GRM2: variants seen among roughly 807,000 people sequenced by gnomAD.
The protein encoded by GRM2 is metabotropic glutamate receptor 2.
GRM2 carries 35 observed loss-of-function variants against 60.4 expected under a neutral mutation model. The ratio of observed to expected loss-of-function variants is 0.58; its 90% CI spans 0.44 to 0.77. The LOEUF is 0.77. GRM2 is among the 30% of genes least tolerant of loss of function. The probability of loss-of-function intolerance (pLI) is 0.00; values close to 1 mark genes in which losing one functional copy is unlikely to be tolerated. For missense variants in GRM2, 925 were observed against 1,199.5 expected, an observed-to-expected ratio of 0.77 and a Z score of 3.38; for synonymous variants, 437 against 484.1, an observed-to-expected ratio of 0.90 and a Z score of 1.28.
At position 51,713,161 on chromosome 3, in the gene GRM2, T is replaced by G; in HGVS notation, c.1139T>G (p.Phe380Cys). 1 of 1,613,192 alleles carries G rather than the reference T, an allele frequency of 6.2e-7. No individual in the cohort carries two copies. The highest frequency in any genetic ancestry group is 8.5e-7 in the Non-Finnish European group (1 of 1,180,036). ...TTTGAGCAGGAGTCCAAGATCATGT[T>G]TGTGGTCAATGCAGTGTACGCCATG... ...VPFEQESKIM[F>C]VVNAVYAMAH... The change falls in exon 3 of 6, where the codon TTT becomes TGT. Residue 380 changes from phenylalanine to cysteine, a missense_variant. By Grantham distance (205) the Phe-to-Cys change is radical. Coordinates refer to ENST00000395052, the MANE Select transcript of GRM2 (RefSeq NM_000839.5). This position sits in a 1 kb window ranked among gnomAD's most constrained non-coding sequence, Gnocchi z 4.8.
In GRM2 at chr3:51,716,839, G is replaced by A. The variant is rs1703912218; in HGVS notation, c.2364+702G>A. On this transcript the variant is annotated intron_variant, in intron 4 of 5. Transcript: ENST00000395052. The surrounding 1 kb of genome is among the most constrained non-coding windows in gnomAD (Gnocchi z 4.0). The stretch of plus-strand genomic sequence containing the variant: ...TTGCCCAAGGTCACTCAGCTTGGGA[G>A]TGCAGAGCAGGGTCTGAACTGCAGA... 6.6e-6 allele frequency among the ~76,000 whole-genome samples: 1 copy of A among 152,224 alleles called. No homozygotes were observed. Among genetic ancestry groups the A allele is most frequent in the South Asian group, 2.1e-4 (1 of 4,834 alleles).
In GRM2 at chr3:51,709,576, A is replaced by T; in HGVS notation, c.450+143A>T. The stretch of plus-strand genomic sequence containing the variant: ...CTTGCAGTAGCTTTTACAGAAGCTA[A>T]GAAAGTGCCCTGGTCACATAATGGT... On this transcript the variant is annotated intron_variant, in intron 2 of 5. Transcript: ENST00000395052. 4.9e-6 allele frequency: 3 copies of T among 615,288 alleles called. No individual in the cohort carries two copies. In the East Asian group the frequency reaches 8.3e-5, roughly 17 times the overall value. The allele number at this position is 615,288 out of a possible 1,614,324, so 38.1% of individuals were successfully genotyped here.
In GRM2 at chr3:51,713,157, A is replaced by G. The variant is rs1703779393; in HGVS notation, c.1135A>G (p.Met379Val). The change falls in exon 3 of 6, where the codon ATG (methionine) becomes GTG (valine). Residue 379 changes from methionine to valine, a missense_variant. By Grantham distance (21) the Met-to-Val change is conservative. Coordinates refer to ENST00000395052, the MANE Select transcript of GRM2 (RefSeq NM_000839.5). This position sits in a 1 kb window ranked among gnomAD's most constrained non-coding sequence, Gnocchi z 4.8. ...AVPFEQESKIMFVVNAVYAMA... is the reference protein window; with the variant it reads ...AVPFEQESKIVFVVNAVYAMA... ...GCCCTTTGAGCAGGAGTCCAAGATC[A>G]TGTTTGTGGTCAATGCAGTGTACGC... 4 of 1,613,042 alleles carry G rather than the reference A, an allele frequency of 2.5e-6. No individual in the cohort carries two copies. The highest frequency in any genetic ancestry group is 1.3e-5 in the African/African-American group (1 of 74,926).
Position 51,707,125 on chromosome 3 carries a change from C to T in GRM2, c.-179C>T, listed in dbSNP as rs964302254. On this transcript the variant is annotated 5_prime_UTR_variant, in exon 1 of 6. Coordinates refer to ENST00000395052, the MANE Select transcript of GRM2 (RefSeq NM_000839.5). Reference sequence around the variant, plus strand: ...AGCGGGAGCCGGAGCCTCGCGCCCCCCGCTCCACTCCGATTCTCTCCGCGC... The same window carrying T: ...AGCGGGAGCCGGAGCCTCGCGCCCCTCGCTCCACTCCGATTCTCTCCGCGC... 3.9e-5 allele frequency: 6 copies of T among 152,542 alleles called. No homozygotes were observed. The highest frequency in any genetic ancestry group is 7.4e-5 in the Non-Finnish European group (5 of 67,996). 9.4% of individuals were successfully genotyped at this position (152,542 alleles called of 1,614,324 possible). A position where few individuals can be genotyped will look rare whatever the true frequency, so the allele number is the denominator to read the frequency against.
intron 1 of GRM2, chr3:51,707,746 C>G (rs1229263347): frequency 6.6e-6 from 1 of 152,436 alleles, no homozygotes; most frequent in Non-Finnish European, 1.5e-5. Context: ...GCCTCCGTGG[C>G]CAGCACATGG....
Position 51,716,236 on chromosome 3 carries a change from G to A in GRM2, c.2364+99G>A. ...ACTGGTAGCTCTGGGGTTCCAAGAG[G>A]ATAATGCCCACTCAGGGGACCACAG... On this transcript the variant is annotated intron_variant, in intron 4 of 5. Transcript: ENST00000395052. This position sits in a 1 kb window ranked among gnomAD's most constrained non-coding sequence, Gnocchi z 4.0. The A allele has an allele frequency of 2.5e-6, 2 of 806,252 alleles. No individual in the cohort carries two copies. The highest frequency in any genetic ancestry group is 4.0e-6 in the Non-Finnish European group (2 of 494,982). 49.9% of individuals were successfully genotyped at this position (806,252 alleles called of 1,614,324 possible).
intron 2 of GRM2, among the ~76,000 whole-genome samples, chr3:51,710,047 T>C (rs1703658498): frequency 6.6e-6 from 1 of 151,612 alleles, no homozygotes; most frequent in South Asian, 2.1e-4. Flanking sequence ...TGGAGTGCAG[T>C]GGTGAGATCT....
In GRM2 at chr3:51,716,365, T is replaced by C. The variant is rs1703899121; in HGVS notation, c.2364+228T>C. ...TAGAGAGAGCTGAGATTTCAGGACT[T>C]GAATGTCATCCCCTATCCTGGAAGG... On this transcript the variant is annotated intron_variant, in intron 4 of 5. Transcript: ENST00000395052. The surrounding 1 kb of genome is among the most constrained non-coding windows in gnomAD (Gnocchi z 4.0). Among the ~76,000 whole-genome samples, 1 of 152,014 alleles carries C rather than the reference T, an allele frequency of 6.6e-6. No individual in the cohort carries two copies.
Position 51,715,237 on chromosome 3 carries a change from C to A in GRM2, c.1464C>A (p.Ala488=). 1 of 1,611,866 alleles carries A rather than the reference C, an allele frequency of 6.2e-7. No homozygotes were observed. The highest frequency in any genetic ancestry group is 8.5e-7 in the Non-Finnish European group (1 of 1,178,582). ...LTLDTSLIPW[A]SPSAGPLPAS... ...TGGACACCAGCCTCATCCCATGGGC[C>A]TCACCCTCAGCCGGCCCCCTGCCCG... Residue 488 remains alanine, a synonymous_variant, in exon 4 of 6, where the codon GCC becomes GCA. Transcript: ENST00000395052. The surrounding 1 kb of genome is among the most constrained non-coding windows in gnomAD (Gnocchi z 9.0).
In GRM2 at chr3:51,716,578, G is replaced by T. The variant is rs965207880; in HGVS notation, c.2364+441G>T. On this transcript the variant is annotated intron_variant, in intron 4 of 5. Transcript: ENST00000395052. This position sits in a 1 kb window ranked among gnomAD's most constrained non-coding sequence, Gnocchi z 4.0. ...GCAGGTGAAAATTGTTCCCCAGTTGGTGGCTTCTGAGCAAATTTGGTTCCA... is the reference window on the plus strand; with the variant it reads ...GCAGGTGAAAATTGTTCCCCAGTTGTTGGCTTCTGAGCAAATTTGGTTCCA... Among the ~76,000 whole-genome samples the T allele has an allele frequency of 2.0e-5, 3 of 152,170 alleles. No individual in the cohort carries two copies. Among genetic ancestry groups the T allele is most frequent in the Non-Finnish European group, 4.4e-5 (3 of 68,028 alleles).
intron 2 of GRM2, among the ~76,000 whole-genome samples, chr3:51,709,956 GCTT>G (rs1703655322): frequency 6.7e-6 from 1 of 149,752 alleles, no homozygotes; most frequent in Non-Finnish European, 1.5e-5. Flanking sequence ...CTGTGTCACA[GCTT>G]CTTCCTTATA....
In GRM2 at chr3:51,715,849, C is replaced by T. The variant is rs1277769259; in HGVS notation, c.2076C>T (p.Leu692=). 3 of 1,613,318 alleles carry T rather than the reference C, an allele frequency of 1.9e-6. No homozygotes were observed. The highest frequency in any genetic ancestry group is 2.2e-5 in the East Asian group (1 of 44,870). The part of the protein sequence containing the change: ...ICLALISGQL[L]IVVAWLVVEA... The stretch of plus-strand genomic sequence containing the variant: ...TGGCACTTATCTCGGGCCAGCTGCT[C>T]ATCGTGGTCGCCTGGCTGGTGGTGG... Residue 692 remains leucine (L), a synonymous_variant, in exon 4 of 6, where the codon CTC becomes CTT. Transcript: ENST00000395052. The surrounding 1 kb of genome is among the most constrained non-coding windows in gnomAD (Gnocchi z 9.0).
Position 51,715,509 on chromosome 3 carries a change from C to T in GRM2, c.1736C>T (p.Ala579Val). Reference sequence around the variant, plus strand: ...CCTGTCACCATCGCCTGCCTCGGTGCCCTGGCCACCCTCTTTGTGCTGGGT... The same window carrying T: ...CCTGTCACCATCGCCTGCCTCGGTGTCCTGGCCACCCTCTTTGTGCTGGGT... ...VGPVTIACLG[A>V]LATLFVLGVF... is the part of the protein sequence containing the mutation. The change falls in exon 4 of 6, where the codon GCC becomes GTC. Residue 579 changes from alanine (A) to valine (V), a missense_variant. By Grantham distance (64) the Ala-to-Val change is moderately conservative. Coordinates refer to ENST00000395052, the MANE Select transcript of GRM2 (RefSeq NM_000839.5). This position sits in a 1 kb window ranked among gnomAD's most constrained non-coding sequence, Gnocchi z 9.0. The T allele has an allele frequency of 6.2e-7, 1 of 1,613,272 alleles. No homozygotes were observed. The highest frequency in any genetic ancestry group is 8.5e-7 in the Non-Finnish European group (1 of 1,180,024).
At position 51,713,613 on chromosome 3, in the gene GRM2, C is replaced by T. The variant is rs1428283595; in HGVS notation, c.1288+303C>T. Reference sequence around the variant, plus strand: ...CTCCTTATCTTGCCAAAGGTGGAGACCAGGAGACCTCAAGCCCATTCTCAG... The same window carrying T: ...CTCCTTATCTTGCCAAAGGTGGAGATCAGGAGACCTCAAGCCCATTCTCAG... On this transcript the variant is annotated intron_variant, in intron 3 of 5. Transcript: ENST00000395052. This position sits in a 1 kb window ranked among gnomAD's most constrained non-coding sequence, Gnocchi z 4.8. The T allele has an allele frequency of 9.9e-6, 4 of 403,734 alleles. No homozygotes were observed. The highest frequency in any genetic ancestry group is 8.3e-5 in the Admixed American group (2 of 24,072). The allele number at this position is 403,734 out of a possible 1,614,324, so 25.0% of individuals were successfully genotyped here. A position where few individuals can be genotyped will look rare whatever the true frequency, so the allele number is the denominator to read the frequency against.
chr3:51,713,255 G>T lies in GRM2; in HGVS notation c.1233G>T (p.Arg411=). The T allele has an allele frequency of 1.2e-6, 2 of 1,612,954 alleles. No individual in the cohort carries two copies. Among genetic ancestry groups the T allele is most frequent in the East Asian group, 2.2e-5 (1 of 44,886 alleles). ...PNTTRLCDAM[R]PVNGRRLYKD... is the part of the protein sequence containing the mutation. ...CCACCCGGCTCTGTGACGCGATGCG[G>T]CCAGTTAACGGGCGCCGCCTCTACA... Residue 411 remains arginine (R), a synonymous_variant, in exon 3 of 6, where the codon CGG becomes CGT. Coordinates refer to ENST00000395052, the MANE Select transcript of GRM2 (RefSeq NM_000839.5). The surrounding 1 kb of genome is among the most constrained non-coding windows in gnomAD (Gnocchi z 4.8).
At chr3:51,710,182 C>G (rs1383993253) in intron 2 of GRM2, among the ~76,000 whole-genome samples, 1 of 151,806 alleles carries the variant, frequency 6.6e-6, no homozygotes, top group African/African-American at 2.4e-5. Context: ...TAGAGACGAG[C>G]CTGACCTCAC....
intron 1 of GRM2, 81 bp from the exon 2 acceptor site, chr3:51,708,767 G>C (rs1703589133): frequency 2.0e-6 from 1 of 508,854 alleles, no homozygotes; most frequent in Admixed American, 3.4e-5. Flanking sequence ...GGGGCTCGTG[G>C]GGAGGCAGAG....
rs540373636 is a variant in GRM2, at chr3:51,713,268, C to T, written c.1246C>T (p.Arg416Cys). 1.6e-5 allele frequency: 26 copies of T among 1,612,622 alleles called. No homozygotes were observed. Among genetic ancestry groups the T allele is most frequent in the East Asian group, 8.9e-5 (4 of 44,870 alleles). Residue 416 changes from arginine (R) to cysteine (C), a missense_variant, in exon 3 of 6, where the codon CGC (arginine) becomes TGC (cysteine). By Grantham distance (180) the Arg-to-Cys change is radical. Transcript: ENST00000395052. This position sits in a 1 kb window ranked among gnomAD's most constrained non-coding sequence, Gnocchi z 4.8. The part of the protein sequence containing the change: ...LCDAMRPVNG[R>C]RLYKDFVLNV... ...TGACGCGATGCGGCCAGTTAACGGGCGCCGCCTCTACAAGGACTTTGTGCT... is the reference window on the plus strand; with the variant it reads ...TGACGCGATGCGGCCAGTTAACGGGTGCCGCCTCTACAAGGACTTTGTGCT...
rs765191191 is a variant in GRM2, at chr3:51,716,771, G to A, written c.2364+634G>A. On this transcript the variant is annotated intron_variant, in intron 4 of 5. Coordinates refer to ENST00000395052, the MANE Select transcript of GRM2 (RefSeq NM_000839.5). This position sits in a 1 kb window ranked among gnomAD's most constrained non-coding sequence, Gnocchi z 4.0. ...CTTGAGTAAGCTCCATGGCTCTCCC[G>A]TTTTACAGATGAAGAAACAGAGACT... Among the ~76,000 whole-genome samples the A allele has an allele frequency of 1.9e-4, 29 of 152,206 alleles. No homozygotes were observed. Among genetic ancestry groups the A allele is most frequent in the African/African-American group, 5.3e-4 (22 of 41,442 alleles).
Sources: allele counts gnomAD v4.1 joint callset (sites outside exome capture counted in the v4.1 genomes callset), GRCh38; gene constraint gnomAD v4.1.1; non-coding constraint Gnocchi (gnomAD v3.1); transcripts MANE v1.5; gene names NCBI Gene and HGNC (gene_info 2026-07-23, HGNC 2026-07-21).